The following NTRK3 variants were observed in gnomAD, a reference collection of about 807,000 sequenced individuals.
NTRK3 encodes the protein neurotrophic receptor tyrosine kinase 3, also known as NT-3 growth factor receptor.
A neutral mutation model predicts 91.7 loss-of-function variants in NTRK3; 24 were observed. The ratio of observed to expected loss-of-function variants is 0.26; its 90% CI spans 0.19 to 0.37. NTRK3 has a LOEUF of 0.37. Ranked by LOEUF, NTRK3 falls within the 10% of genes least tolerant of loss-of-function variation. The pLI is 1.00. For missense variants in NTRK3, 880 were observed against 1,068.9 expected (o/e 0.82, Z 2.46); for synonymous variants, 483 against 404.0 (o/e 1.20, Z -2.34).
chr15:88,215,286 A>C (rs1182156352), intron 3 of NTRK3, among the ~76,000 whole-genome samples: 2 of 152,228 alleles, frequency 1.3e-5, no homozygotes, highest in Non-Finnish European at 2.9e-5. Flanking sequence ...TTGGAGAAGG[A>C]AAGCAGCTGT....
At chr15:88,119,494 G>C (rs2052469244) in intron 13 of NTRK3, among the ~76,000 whole-genome samples, 1 of 152,202 alleles carries the variant, frequency 6.6e-6, no homozygotes, top group African/African-American at 2.4e-5. Flanking sequence ...AAGAGAGGGA[G>C]GGCATGCAAA....
chr15:88,135,531 AC>A, intron 9 of NTRK3, 134 bp from the exon 10 acceptor site: 1 of 1,020,762 alleles, frequency 9.8e-7, no homozygotes, highest in Non-Finnish European at 1.5e-6. Flanking sequence ...CAGAAGTCCC[AC>A]CACAATCCCA....
chr15:87,914,836 C>G (rs1034821302), intron 17 of NTRK3, among the ~76,000 whole-genome samples: 2 of 152,184 alleles, frequency 1.3e-5, no homozygotes, highest in Non-Finnish European at 2.9e-5. Context: ...CCAAGATTGT[C>G]GTGATGATTG....
At position 88,190,562 on chromosome 15, in the gene NTRK3, T is replaced by G. The variant is rs77633640; in HGVS notation, c.249-6263A>C. ...TCCATTTTAACTATTTTCTGGCTCT[T>G]TTTTTGATATTAGGCTGCAGGCCAT... On this transcript the variant is annotated intron_variant, in intron 3 of 18. Coordinates refer to ENST00000394480, the Ensembl canonical transcript of NTRK3. Among the ~76,000 whole-genome samples the G allele has an allele frequency of 4.6e-3, 708 of 152,320 alleles. 7 individuals are homozygous for G. Among genetic ancestry groups the G allele is most frequent in the African/African-American group, 0.016 (671 of 41,568 alleles).
chr15:88,115,871 G>A (rs957657720), intron 13 of NTRK3, among the ~76,000 whole-genome samples: 2 of 152,034 alleles, frequency 1.3e-5, no homozygotes, highest in South Asian at 2.1e-4. Flanking sequence ...TCCGCCCACC[G>A]ACAGACCCAC....
At chr15:87,935,073 G>GT (rs2069146586) in intron 15 of NTRK3, among the ~76,000 whole-genome samples, 1 of 152,142 alleles carries the variant, frequency 6.6e-6, no homozygotes, top group Admixed American at 6.5e-5. Context: ...CACGTAACAA[G>GT]TAACAGCTTG....
chr15:88,114,548 T>C (rs1261756818), intron 13 of NTRK3, among the ~76,000 whole-genome samples: 1 of 152,204 alleles, frequency 6.6e-6, no homozygotes, highest in Non-Finnish European at 1.5e-5. Context: ...ACTATAAAAA[T>C]AGAATGCAGT....
chr15:88,198,136 G>A (rs2047989610), intron 3 of NTRK3, among the ~76,000 whole-genome samples: 1 of 152,200 alleles, frequency 6.6e-6, no homozygotes, highest in Non-Finnish European at 1.5e-5. Context: ...GGGTTGGGCA[G>A]GAATTGAGGT....
intron 18 of NTRK3, among the ~76,000 whole-genome samples, chr15:87,878,329 C>T (rs1165072072): frequency 6.6e-6 from 1 of 152,180 alleles, no homozygotes; most frequent in Non-Finnish European, 1.5e-5. Flanking sequence ...CTCAACAGTG[C>T]CTTGTTTCCA....
chr15:87,890,504 A>G (rs994685577), intron 17 of NTRK3, among the ~76,000 whole-genome samples: 28 of 152,008 alleles, frequency 1.8e-4, no homozygotes, highest in Non-Finnish European at 2.8e-4. Context: ...ATCCCATAGC[A>G]TCCTCCAGAG....
At chr15:88,061,465 G>A (rs955095099) in intron 13 of NTRK3, among the ~76,000 whole-genome samples, 1 of 152,364 alleles carries the variant, frequency 6.6e-6, no homozygotes, top group South Asian at 2.1e-4. Flanking sequence ...GCTGCTAAGA[G>A]CATCTTGAAT....
chr15:88,056,744 T>C (rs1344311571), intron 13 of NTRK3, among the ~76,000 whole-genome samples: 1 of 152,226 alleles, frequency 6.6e-6, no homozygotes, highest in African/African-American at 2.4e-5. Context: ...TTTCTCAGTA[T>C]CTCCCCATTG....
At chr15:88,141,838 A>C (rs1384483098) in intron 6 of NTRK3, among the ~76,000 whole-genome samples, 1 of 152,150 alleles carries the variant, frequency 6.6e-6, no homozygotes, top group Non-Finnish European at 1.5e-5. Context: ...GCTTTGTACA[A>C]ATTTTCTGCT....
intron 4 of NTRK3, 86 bp from the exon 5 acceptor site, chr15:88,183,575 A>G (rs1314055372): frequency 2.4e-6 from 3 of 1,267,196 alleles, no homozygotes; most frequent in African/African-American, 2.9e-5. Flanking sequence ...GGGTGAGGCT[A>G]AGGCTGGCCC....
At chr15:87,968,488 A>G (rs555867816) in intron 14 of NTRK3, among the ~76,000 whole-genome samples, 1 of 152,296 alleles carries the variant, frequency 6.6e-6, no homozygotes, top group South Asian at 2.1e-4. Flanking sequence ...TCACTGTGAC[A>G]TTTTAACTGC....
At chr15:88,104,712 T>G (rs1834572) in intron 13 of NTRK3, among the ~76,000 whole-genome samples, 4,333 of 152,280 alleles carry the variant, frequency 0.028, 171 homozygotes, top group East Asian at 0.11. Flanking sequence ...CTGCCAATCC[T>G]GTGTGCTGAG....
chr15:88,106,800 G>T lies in NTRK3; in HGVS notation c.1396+19471C>A, dbSNP rs553588858. The stretch of plus-strand genomic sequence containing the variant: ...ACAAAACAATTAGCTGGGCATGGTG[G>T]TGGGTGCCTGTAATCCCAGCTATTC... On this transcript the variant is annotated intron_variant, in intron 13 of 18. Transcript: ENST00000394480. Among the ~76,000 whole-genome samples, 49 of 152,148 alleles carry T rather than the reference G, an allele frequency of 3.2e-4. No individual in the cohort carries two copies. In the South Asian group the frequency reaches 3.5e-3, roughly 11 times the overall value.
intron 13 of NTRK3, among the ~76,000 whole-genome samples, chr15:88,046,242 C>G (rs996397559): frequency 6.6e-6 from 1 of 152,174 alleles, no homozygotes; most frequent in Admixed American, 6.5e-5. Flanking sequence ...CTCTAGAATC[C>G]TTGAAAGTGA....
chr15:87,894,288 A>G (rs1474840793), intron 17 of NTRK3, among the ~76,000 whole-genome samples: 1 of 152,212 alleles, frequency 6.6e-6, no homozygotes, highest in Non-Finnish European at 1.5e-5. Context: ...AGCAGCCACC[A>G]TAACAGTCTT....
Sources: gnomAD v4.1 joint callset for allele counts (sites outside exome capture counted in the v4.1 genomes callset) on GRCh38, gnomAD v4.1.1 for gene constraint, MANE v1.5 for transcripts, NCBI Gene and HGNC (gene_info 2026-07-23, HGNC 2026-07-21) for gene names.